Variants in LRRIQ3 observed in about 807,000 individuals in gnomAD.
The protein encoded by LRRIQ3 is leucine rich repeats and IQ motif containing 3.
LRRIQ3 carries 75 observed loss-of-function variants against 59.3 expected under a neutral mutation model. That is an observed-to-expected ratio of 1.26 (90% confidence interval 1.05 to 1.53). The LOEUF (loss-of-function observed/expected upper bound fraction) is 1.53, where lower values mean the gene tolerates loss of function less well. Among genes scored for constraint, LRRIQ3 ranks in the 40% most tolerant of loss-of-function variants. LRRIQ3 has a pLI of 0.00. For missense variants in LRRIQ3, 831 were observed against 710.0 expected (o/e 1.17, Z -1.94); for synonymous variants, 250 against 231.3 (o/e 1.08, Z -0.73).
chr1:74,117,753 A>T (rs2100579010), intron 4 of LRRIQ3, among the ~76,000 whole-genome samples: 1 of 152,280 alleles, frequency 6.6e-6, no homozygotes. Context: ...GTGACAGAGC[A>T]AGTTTGTCTC....
At chr1:74,146,116 T>G (rs1647550661) in intron 4 of LRRIQ3, among the ~76,000 whole-genome samples, 1 of 152,150 alleles carries the variant, frequency 6.6e-6, no homozygotes, top group Non-Finnish European at 1.5e-5. Flanking sequence ...CACCTAAGTT[T>G]GTCTAAGTGT....
At chr1:74,062,193 G>C (rs1468596465) in intron 6 of LRRIQ3, among the ~76,000 whole-genome samples, 8 of 151,912 alleles carry the variant, frequency 5.3e-5, no homozygotes, top group African/African-American at 1.9e-4. Flanking sequence ...AAAACCTATA[G>C]GGAACTTAAA....
chr1:74,037,711 G>A (rs904164101), intron 7 of LRRIQ3, among the ~76,000 whole-genome samples: 1 of 152,176 alleles, frequency 6.6e-6, no homozygotes, highest in African/African-American at 2.4e-5. Flanking sequence ...TATGACCCAT[G>A]GAGAGGAAGG....
At position 74,030,344 on chromosome 1, in the gene LRRIQ3, T is replaced by C. The variant is rs574671570; in HGVS notation, c.1719-3375A>G. Among the ~76,000 whole-genome samples, 3 of 152,244 alleles carry C rather than the reference T, an allele frequency of 2.0e-5. No homozygotes were observed. The East Asian group carries it at 5.8e-4, about 29-fold the overall frequency. On this transcript the variant is annotated intron_variant, in intron 7 of 7. Transcript: ENST00000354431. ...AAGAACAAAGCTGGAGGCATCATGC[T>C]ACCTGACTTCAAACTATACTACAAG...
At chr1:74,045,457 A>C in intron 6 of LRRIQ3, among the ~76,000 whole-genome samples, 1 of 152,202 alleles carries the variant, frequency 6.6e-6, no homozygotes. Flanking sequence ...GATGGAACGT[A>C]TCTCAAAATA....
chr1:74,084,595 T>A (rs1646307373), intron 5 of LRRIQ3, among the ~76,000 whole-genome samples: 1 of 151,686 alleles, frequency 6.6e-6, no homozygotes, highest in South Asian at 2.1e-4. Flanking sequence ...AAAGTGCAGA[T>A]CTTATGTAAA....
At chr1:74,160,464 C>T (rs1648595571) in intron 3 of LRRIQ3, among the ~76,000 whole-genome samples, 1 of 152,066 alleles carries the variant, frequency 6.6e-6, no homozygotes, top group African/African-American at 2.4e-5. Flanking sequence ...ACTTTGCTCA[C>T]AGAATTTTTC....
At chr1:74,071,103 G>A (rs570948764) in intron 6 of LRRIQ3, among the ~76,000 whole-genome samples, 2 of 149,674 alleles carry the variant, frequency 1.3e-5, no homozygotes, top group African/African-American at 4.9e-5. Flanking sequence ...ATATATATAG[G>A]TTGTTAGGTA....
intron 4 of LRRIQ3, among the ~76,000 whole-genome samples, chr1:74,123,196 T>G (rs961654883): frequency 2.0e-5 from 3 of 152,024 alleles, no homozygotes; most frequent in Non-Finnish European, 2.9e-5. Context: ...TATATAGTTA[T>G]GGGGTACATG....
At chr1:74,108,165 A>G (rs918230244) in intron 5 of LRRIQ3, among the ~76,000 whole-genome samples, 5 of 151,840 alleles carry the variant, frequency 3.3e-5, no homozygotes, top group Admixed American at 3.3e-4. Flanking sequence ...ATTAGTTATA[A>G]TTACACAACA....
At chr1:74,149,566 T>C (rs1647794403) in intron 4 of LRRIQ3, among the ~76,000 whole-genome samples, 1 of 152,224 alleles carries the variant, frequency 6.6e-6, no homozygotes, top group South Asian at 2.1e-4. Flanking sequence ...GCTGGAGTAC[T>C]ACCAATTTCT....
At chr1:74,116,694 TA>T (rs1384230321) in intron 4 of LRRIQ3, among the ~76,000 whole-genome samples, 1 of 152,060 alleles carries the variant, frequency 6.6e-6, no homozygotes, top group Non-Finnish European at 1.5e-5. Flanking sequence ...CAGTAATTTT[TA>T]CATAAGAAAG....
At chr1:74,125,494 T>C (rs1055672451) in intron 4 of LRRIQ3, among the ~76,000 whole-genome samples, 36 of 151,958 alleles carry the variant, frequency 2.4e-4, no homozygotes, top group African/African-American at 7.7e-4. Flanking sequence ...AGGTCTTTAG[T>C]ACACAGCTTT....
At chr1:74,062,266 A>C (rs992181156) in intron 6 of LRRIQ3, among the ~76,000 whole-genome samples, 1 of 152,148 alleles carries the variant, frequency 6.6e-6, no homozygotes, top group African/African-American at 2.4e-5. Flanking sequence ...CACTTTTCAA[A>C]AGAAGATATA....
intron 3 of LRRIQ3, among the ~76,000 whole-genome samples, chr1:74,166,668 C>T (rs989105927): frequency 6.6e-6 from 1 of 151,738 alleles, no homozygotes; most frequent in South Asian, 2.1e-4. Context: ...CAATTTAGTG[C>T]TATAAATTTT....
chr1:74,103,004 T>C (rs1399933944), intron 5 of LRRIQ3, among the ~76,000 whole-genome samples: 5 of 151,962 alleles, frequency 3.3e-5, no homozygotes, highest in Non-Finnish European at 5.9e-5. Context: ...TACAATTATC[T>C]TTAGCCTCTG....
chr1:74,117,250 A>T (rs1163685039), intron 4 of LRRIQ3, among the ~76,000 whole-genome samples: 1 of 152,156 alleles, frequency 6.6e-6, no homozygotes, highest in Admixed American at 6.6e-5. Context: ...AATTGGAAAT[A>T]TTAACTTTCA....
rs1238949540 is a variant in LRRIQ3, at chr1:74,155,852, T to C, written c.588A>G (p.Glu196=). The C allele has an allele frequency of 6.8e-7, 1 of 1,481,212 alleles. No individual in the cohort carries two copies. The highest frequency in any genetic ancestry group is 2.2e-5 in the Admixed American group (1 of 46,450). 91.8% of individuals were successfully genotyped at this position (1,481,212 alleles called of 1,614,324 possible). The change falls in exon 4 of 8, where the codon GAA becomes GAG. Residue 196 remains glutamate, a synonymous_variant. Transcript: ENST00000354431. ...CPALRKGTTY[E]EEINNIKHIT... The stretch of plus-strand genomic sequence containing the variant: ...TATGTTTAATATTATTAATTTCCTC[T>C]TCATAGGTTGTTCCCTGTATAAAGA...
chr1:74,118,910 G>C (rs893243253), intron 4 of LRRIQ3, among the ~76,000 whole-genome samples: 2 of 152,050 alleles, frequency 1.3e-5, no homozygotes, highest in African/African-American at 4.8e-5. Context: ...CTTTGTATTT[G>C]AGACCTTTAA....
Sources: gnomAD v4.1 joint callset for allele counts (sites outside exome capture counted in the v4.1 genomes callset) on GRCh38, gnomAD v4.1.1 for gene constraint, MANE v1.5 for transcripts, NCBI Gene and HGNC (gene_info 2026-07-23, HGNC 2026-07-21) for gene names.